The following ANK3 variants were observed in gnomAD, a reference collection of about 807,000 sequenced individuals.
ANK3 encodes ankyrin-3.
Under a neutral mutation model 370.9 loss-of-function variants are expected in ANK3, and 57 were observed. That is an observed-to-expected ratio of 0.15 (90% CI 0.12 to 0.19). The LOEUF (loss-of-function observed/expected upper bound fraction) is 0.19, where lower values mean the gene tolerates loss of function less well. Ranked by LOEUF, ANK3 falls within the 10% of genes least tolerant of loss-of-function variation. The pLI, the probability that ANK3 is intolerant of heterozygous loss-of-function variation, is 1.00. For missense variants in ANK3, 4,439 were observed against 5,302.1 expected (o/e 0.84, Z 5.06); for synonymous variants, 1,929 against 1,946.3 (o/e 0.99, Z 0.23).
chr10:60,625,538 A>G (rs897038850), intron 1 of ANK3, among the ~76,000 whole-genome samples: 3 of 152,212 alleles, frequency 2.0e-5, no homozygotes, highest in Admixed American at 6.5e-5. Context: ...CAGATTATCA[A>G]AATCAGTTTA....
At chr10:60,083,373 T>G (rs2085778221) in intron 33 of ANK3, 119 bp downstream of exon 33, 1 of 1,084,948 alleles carries the variant, frequency 9.2e-7, no homozygotes, top group Non-Finnish European at 1.3e-6. Context: ...AATCTGACCT[T>G]ATGAGTTCAG....
chr10:60,138,647 T>C, intron 24 of ANK3: 1 of 454,270 alleles, frequency 2.2e-6, no homozygotes. Context: ...CAAAACTTAA[T>C]TTTGAAATAT....
chr10:60,515,881 T>C (rs2076206082), intron 2 of ANK3, among the ~76,000 whole-genome samples: 2 of 152,160 alleles, frequency 1.3e-5, no homozygotes, highest in Non-Finnish European at 2.9e-5. Flanking sequence ...TGGAACCAAC[T>C]ATGTACCAGG....
intron 2 of ANK3, among the ~76,000 whole-genome samples, chr10:60,416,915 C>A (rs1265433295): frequency 6.6e-6 from 1 of 152,008 alleles, no homozygotes; most frequent in Non-Finnish European, 1.5e-5. Flanking sequence ...TAAATTACAC[C>A]ATAATAGAAT....
intron 8 of ANK3, among the ~76,000 whole-genome samples, chr10:60,222,664 G>A (rs962790206): frequency 4.6e-5 from 7 of 152,208 alleles, no homozygotes; most frequent in East Asian, 1.9e-4. Flanking sequence ...ATTCAAAGTC[G>A]TCTAAAATCA....
rs61849565 is a variant in ANK3 at position 60,030,422 on chromosome 10, A to G, written c.*20-596T>C. Among the ~76,000 whole-genome samples, 63 of 152,148 alleles carry G rather than the reference A, an allele frequency of 4.1e-4. 1 individual carries two copies. The highest frequency in any genetic ancestry group is 3.4e-3 in the Middle Eastern group (1 of 294). ...CTCCCAAAGTGCTGGGATTACAGGC[A>G]TGAGCCACCACGCCCGGCCCTCAAC... On this transcript the variant is annotated intron_variant, in intron 43 of 43. Coordinates refer to ENST00000280772, the MANE Select transcript of ANK3 (RefSeq NM_020987.5).
chr10:60,292,128 C>G (rs1328164398), intron 1 of ANK3, among the ~76,000 whole-genome samples: 1 of 152,142 alleles, frequency 6.6e-6, no homozygotes, highest in African/African-American at 2.4e-5. Flanking sequence ...GAGGAACAGA[C>G]AGTTCAACCT....
intron 2 of ANK3, among the ~76,000 whole-genome samples, chr10:60,554,197 C>G (rs1421377222): frequency 1.3e-5 from 2 of 152,098 alleles, no homozygotes; most frequent in African/African-American, 2.4e-5. Context: ...TGGTCTTAAG[C>G]TATGCTTTTT....
At chr10:60,447,494 G>A (rs2064480233) in intron 2 of ANK3, among the ~76,000 whole-genome samples, 1 of 152,142 alleles carries the variant, frequency 6.6e-6, no homozygotes, top group Non-Finnish European at 1.5e-5. Context: ...TACTCCAGTA[G>A]TAAAAGCATC....
chr10:60,250,805 C>T (rs901941572), intron 7 of ANK3, among the ~76,000 whole-genome samples: 3 of 152,028 alleles, frequency 2.0e-5, no homozygotes, highest in African/African-American at 4.8e-5. Flanking sequence ...TTTCAAAGCC[C>T]GATTATTTAG....
intron 2 of ANK3, among the ~76,000 whole-genome samples, chr10:60,394,953 T>C (rs2063185813): frequency 6.6e-6 from 1 of 152,182 alleles, no homozygotes; most frequent in African/African-American, 2.4e-5. Flanking sequence ...TTATATATAA[T>C]CTGCACTGGC....
chr10:60,728,518 T>C (rs896044465), intron 1 of ANK3, among the ~76,000 whole-genome samples: 3 of 152,232 alleles, frequency 2.0e-5, no homozygotes, highest in Admixed American at 6.5e-5. Context: ...AAGTGTTTCC[T>C]AGAAACAAGG....
At chr10:60,510,352 AC>A (rs1371165110) in intron 2 of ANK3, among the ~76,000 whole-genome samples, 2 of 152,108 alleles carry the variant, frequency 1.3e-5, no homozygotes, top group African/African-American at 4.8e-5. Flanking sequence ...CCACTAATAA[AC>A]TTATCTTTGG....
At chr10:60,469,151 T>C (rs1382972722) in intron 2 of ANK3, among the ~76,000 whole-genome samples, 1 of 114,112 alleles carries the variant, frequency 8.8e-6, no homozygotes, top group Admixed American at 9.3e-5. Context: ...ATACCACTTT[T>C]AGTATATATG....
chr10:60,423,003 G>C (rs1014288180), intron 2 of ANK3, among the ~76,000 whole-genome samples: 2 of 151,986 alleles, frequency 1.3e-5, no homozygotes, highest in African/African-American at 2.4e-5. Flanking sequence ...GGATAGTTCT[G>C]TGTACTGAAG....
intron 8 of ANK3, among the ~76,000 whole-genome samples, chr10:60,214,366 T>C (rs909169382): frequency 1.3e-5 from 2 of 152,272 alleles, no homozygotes; most frequent in African/African-American, 4.8e-5. Context: ...ATGATCTTTT[T>C]TTGTCTTTAA....
At chr10:60,587,888 C>A (rs980011197) in intron 2 of ANK3, among the ~76,000 whole-genome samples, 1 of 151,904 alleles carries the variant, frequency 6.6e-6, no homozygotes, top group African/African-American at 2.4e-5. Context: ...GAAAGAATGA[C>A]AGTTTTAGAA....
intron 16 of ANK3, among the ~76,000 whole-genome samples, chr10:60,194,127 A>C (rs1031175466): frequency 6.6e-6 from 1 of 152,258 alleles, no homozygotes; most frequent in Non-Finnish European, 1.5e-5. Context: ...TCTCAAAAAA[A>C]AGAAAGAAAA....
At chr10:60,552,155 T>C (rs1567139420) in intron 2 of ANK3, among the ~76,000 whole-genome samples, 1 of 152,186 alleles carries the variant, frequency 6.6e-6, no homozygotes, top group Non-Finnish European at 1.5e-5. Flanking sequence ...AATTATAAGA[T>C]ACACTCCAAT....
Sources: allele counts gnomAD v4.1 joint callset (sites outside exome capture counted in the v4.1 genomes callset), GRCh38; gene constraint gnomAD v4.1.1; transcripts MANE v1.5; gene names NCBI Gene and HGNC (gene_info 2026-07-23, HGNC 2026-07-21).